Variants in FAM13C observed in about 807,000 individuals in gnomAD.
The protein encoded by FAM13C is family with sequence similarity 13 member C.
In FAM13C, 37 loss-of-function variants were observed where a neutral mutation model predicts 73.2. That is an observed-to-expected ratio of 0.51 (90% confidence interval 0.39 to 0.67). The LOEUF (loss-of-function observed/expected upper bound fraction) is 0.67, where lower values mean the gene tolerates loss of function less well. Among genes scored for constraint, FAM13C ranks in the 30% least tolerant of loss-of-function variants. The probability of loss-of-function intolerance (pLI) is 0.00; values close to 1 mark genes in which losing one functional copy is unlikely to be tolerated. For synonymous variants in FAM13C, 246 were observed against 260.9 expected, an observed-to-expected ratio of 0.94 and a Z score of 0.55; for missense variants, 589 against 715.6, an observed-to-expected ratio of 0.82 and a Z score of 2.02.
At chr10:59,265,378 A>ATCCCCAGC (rs1842967236) in intron 8 of FAM13C, among the ~76,000 whole-genome samples, 1 of 124,028 alleles carries the variant, frequency 8.1e-6, no homozygotes, top group Admixed American at 1.1e-4. Flanking sequence ...GTGGCCATCA[A>ATCCCCAGC]TCCCCAGCTC....
intron 3 of FAM13C, among the ~76,000 whole-genome samples, chr10:59,333,575 C>T (rs1273301910): frequency 6.6e-6 from 1 of 152,154 alleles, no homozygotes. Flanking sequence ...ACCTTTTATT[C>T]CTTTTTTGGG....
At chr10:59,306,645 G>A (rs999386543) in intron 4 of FAM13C, among the ~76,000 whole-genome samples, 1 of 152,304 alleles carries the variant, frequency 6.6e-6, no homozygotes, top group East Asian at 1.9e-4. Flanking sequence ...GGAGGCCAAG[G>A]CAGGTGGATT....
At chr10:59,258,360 G>C (rs1842146250) in intron 10 of FAM13C, among the ~76,000 whole-genome samples, 1 of 152,180 alleles carries the variant, frequency 6.6e-6, no homozygotes, top group Non-Finnish European at 1.5e-5. Context: ...GTGCACACCT[G>C]TAGTCCCAGC....
intron 3 of FAM13C, among the ~76,000 whole-genome samples, chr10:59,332,576 G>A (rs1852144228): frequency 6.6e-6 from 1 of 152,150 alleles, no homozygotes; most frequent in Non-Finnish European, 1.5e-5. Context: ...GACAATAAAA[G>A]AAACATTAAA....
intron 3 of FAM13C, among the ~76,000 whole-genome samples, chr10:59,333,851 C>T (rs1213071467): frequency 6.6e-6 from 1 of 152,224 alleles, no homozygotes; most frequent in Admixed American, 6.5e-5. Context: ...CAACACTAGG[C>T]TCTCCTTATA....
At chr10:59,252,695 C>T (rs1841512625) in intron 12 of FAM13C, 104 bp downstream of exon 12, 2 of 1,111,050 alleles carry the variant, frequency 1.8e-6, no homozygotes, top group Non-Finnish European at 2.7e-6. Context: ...ACTGTTGACC[C>T]ACCCCTTTGA....
chr10:59,361,577 A>C (rs1856418993), intron 1 of FAM13C, among the ~76,000 whole-genome samples: 1 of 152,004 alleles, frequency 6.6e-6, no homozygotes, highest in South Asian at 2.1e-4. Flanking sequence ...ATTAGCCTAG[A>C]GAAAGAATGC....
intron 1 of FAM13C, chr10:59,361,142 C>A (rs756418607): frequency 2.9e-5 from 37 of 1,266,940 alleles, no homozygotes; most frequent in Middle Eastern, 2.1e-4. Context: ...GCACAGGTTA[C>A]CAAGCAATCT....
intron 9 of FAM13C, 106 bp downstream of exon 9, chr10:59,263,979 G>T (rs966693612): frequency 5.5e-5 from 55 of 1,002,468 alleles, no homozygotes; most frequent in Admixed American, 2.7e-4. Context: ...AGAAAACAAG[G>T]TGCAAGAGGG....
At chr10:59,354,986 G>A (rs1855527986) in intron 2 of FAM13C, among the ~76,000 whole-genome samples, 2 of 150,290 alleles carry the variant, frequency 1.3e-5, no homozygotes, top group African/African-American at 2.5e-5. Context: ...TCTTAGCCTT[G>A]GACCTCACCA....
intron 5 of FAM13C, among the ~76,000 whole-genome samples, chr10:59,290,878 G>T (rs997180840): frequency 6.6e-5 from 10 of 152,246 alleles, no homozygotes; most frequent in African/African-American, 2.2e-4. Context: ...GGGGGCAGGG[G>T]TCTCTGAGTA....
chr10:59,299,432 G>C (rs1257521360), intron 5 of FAM13C, among the ~76,000 whole-genome samples: 3 of 151,316 alleles, frequency 2.0e-5, no homozygotes, highest in African/African-American at 7.3e-5. Context: ...GTTTACAAAG[G>C]AAACTAAAAG....
chr10:59,255,756 C>T (rs1182147698), intron 10 of FAM13C, among the ~76,000 whole-genome samples: 2 of 152,156 alleles, frequency 1.3e-5, no homozygotes, highest in African/African-American at 4.8e-5. Context: ...GCTCCCAACT[C>T]CCATCCCAAT....
intron 4 of FAM13C, among the ~76,000 whole-genome samples, chr10:59,314,295 C>T (rs962654547): frequency 2.6e-5 from 4 of 152,152 alleles, no homozygotes; most frequent in Non-Finnish European, 4.4e-5. Context: ...TCTTCCGAGC[C>T]CCTGCTGTGG....
At chr10:59,264,036 G>A in intron 9 of FAM13C, 49 bp downstream of exon 9, 1 of 1,548,732 alleles carries the variant, frequency 6.5e-7, no homozygotes, top group South Asian at 1.1e-5. Context: ...ATTATCACTA[G>A]TTTAACTGCT....
intron 3 of FAM13C, among the ~76,000 whole-genome samples, chr10:59,346,238 A>C (rs1854276802): frequency 6.6e-6 from 1 of 152,130 alleles, no homozygotes; most frequent in African/African-American, 2.4e-5. Context: ...TATTGTCCTT[A>C]TTTTAATTCA....
intron 5 of FAM13C, among the ~76,000 whole-genome samples, chr10:59,287,602 C>T (rs920825172): frequency 1.8e-4 from 28 of 152,098 alleles, no homozygotes; most frequent in African/African-American, 6.8e-4. Flanking sequence ...AGCTTTGCTA[C>T]ATACCATGTG....
intron 6 of FAM13C, among the ~76,000 whole-genome samples, chr10:59,280,982 G>A (rs12251899): frequency 0.21 from 31,750 of 152,088 alleles, 4,144 homozygotes; most frequent in African/African-American, 0.36. Flanking sequence ...GTTCAAATCC[G>A]TGTTCAAAAT....
At chr10:59,322,033 C>G (rs992889801) in intron 4 of FAM13C, among the ~76,000 whole-genome samples, 2 of 152,144 alleles carry the variant, frequency 1.3e-5, no homozygotes, top group African/African-American at 2.4e-5. Flanking sequence ...TATCATGTCT[C>G]TATCAAGATT....
Sources: gnomAD v4.1 joint callset for allele counts (sites outside exome capture counted in the v4.1 genomes callset) on GRCh38, gnomAD v4.1.1 for gene constraint, MANE v1.5 for transcripts, NCBI Gene and HGNC (gene_info 2026-07-23, HGNC 2026-07-21) for gene names.